Variants in CRADD observed in about 807,000 individuals in gnomAD.
The protein encoded by CRADD is CARD and death domain containing adaptor protein.
In CRADD, 9 loss-of-function variants were observed where a neutral mutation model predicts 15.5. That is an observed-to-expected ratio of 0.58 (90% CI 0.35 to 1.01). The LOEUF (loss-of-function observed/expected upper bound fraction) is 1.01, where lower values mean the gene tolerates loss of function less well. Among genes scored for constraint, CRADD ranks in the 50% least tolerant of loss-of-function variants. The probability of loss-of-function intolerance (pLI) is 0.02; values close to 1 mark genes in which losing one functional copy is unlikely to be tolerated. For missense variants in CRADD, 227 were observed against 250.3 expected (o/e 0.91, Z 0.63); for synonymous variants, 118 against 107.6 (o/e 1.10, Z -0.60).
intron 2 of CRADD, among the ~76,000 whole-genome samples, chr12:93,683,916 A>G (rs1397755843): frequency 1.3e-5 from 2 of 152,202 alleles, no homozygotes; most frequent in African/African-American, 4.8e-5. Flanking sequence ...CTTGCAGTCT[A>G]TCCATGTGCT....
In CRADD at chr12:93,754,040, G is replaced by C. The variant is rs146159337; in HGVS notation, c.298+74968G>C. On this transcript the variant is annotated intron_variant, in intron 2 of 2. Transcript: ENST00000332896. ...CAGCATACCTCTGCCTGGACATCCAGGCATTGCCATACATTCTCTGAAATC... is the reference window on the plus strand; with the variant it reads ...CAGCATACCTCTGCCTGGACATCCACGCATTGCCATACATTCTCTGAAATC... Among the ~76,000 whole-genome samples the C allele has an allele frequency of 4.1e-3, 627 of 152,364 alleles. 1 individual carries two copies. Among genetic ancestry groups the C allele is most frequent in the Middle Eastern group, 0.01 (3 of 294 alleles).
intron 2 of CRADD, among the ~76,000 whole-genome samples, chr12:93,806,460 AAAAAAAAAAAAAC>A (rs1565920923): frequency 1.0e-4 from 15 of 148,476 alleles, no homozygotes; most frequent in Non-Finnish European, 1.9e-4. Flanking sequence ...TCAAAAAAAA[AAAAAAAAAAAAAC>A]AAAAAAAAGA....
intron 2 of CRADD, among the ~76,000 whole-genome samples, chr12:93,729,299 T>G (rs1956422862): frequency 6.6e-6 from 1 of 152,230 alleles, no homozygotes; most frequent in African/African-American, 2.4e-5. Context: ...TACATACTAG[T>G]CATTTAGAGG....
chr12:93,707,186 T>A (rs1057094236), intron 2 of CRADD, among the ~76,000 whole-genome samples: 1 of 152,198 alleles, frequency 6.6e-6, no homozygotes, highest in African/African-American at 2.4e-5. Context: ...ATTTTATAAA[T>A]GATTGGGAGG....
In CRADD at chr12:93,879,716, T is replaced by G. The variant is rs73365282; in HGVS notation, c.299-14334T>G. Among the ~76,000 whole-genome samples, 531 of 152,308 alleles carry G rather than the reference T, an allele frequency of 3.5e-3. 3 individuals carry two copies. Among genetic ancestry groups the G allele is most frequent in the African/African-American group, 0.012 (507 of 41,570 alleles). On this transcript the variant is annotated intron_variant, in intron 2 of 2. Transcript: ENST00000548483. The stretch of plus-strand genomic sequence containing the variant: ...AATAATAACTGGAGCAATGCTCTAC[T>G]TTTCTCTCTGGCCCTAGTTCTTATT...
intron 2 of CRADD, among the ~76,000 whole-genome samples, chr12:93,883,653 A>G (rs1363234817): frequency 6.6e-6 from 1 of 152,064 alleles, no homozygotes; most frequent in African/African-American, 2.4e-5. Context: ...TCCCATCTCT[A>G]AAACAAAAAC....
At chr12:93,718,407 G>A (rs1047870651) in intron 2 of CRADD, among the ~76,000 whole-genome samples, 5 of 152,002 alleles carry the variant, frequency 3.3e-5, no homozygotes, top group Non-Finnish European at 5.9e-5. Context: ...TTTGATCTTT[G>A]GGGGGGTGCT....
intron 2 of CRADD, among the ~76,000 whole-genome samples, chr12:93,740,615 A>G (rs956937202): frequency 6.6e-6 from 1 of 152,196 alleles, no homozygotes; most frequent in Admixed American, 6.5e-5. Flanking sequence ...TGAAAGCCAT[A>G]TTCTTAACAT....
chr12:93,762,581 C>T (rs1192852638), intron 2 of CRADD, among the ~76,000 whole-genome samples: 2 of 152,060 alleles, frequency 1.3e-5, no homozygotes, highest in African/African-American at 4.8e-5. Context: ...GATATAGAGA[C>T]CTTTATTTAC....
chr12:93,847,498 GAA>G (rs11378030), intron 2 of CRADD, among the ~76,000 whole-genome samples: 9 of 62,946 alleles, frequency 1.4e-4, no homozygotes, highest in South Asian at 8.6e-4. Context: ...AGCATTGCTT[GAA>G]AAAAAAAAAA....
rs572858833 is a variant in CRADD, at chr12:93,874,503, G to A, written c.299-19547G>A. On this transcript the variant is annotated intron_variant, in intron 2 of 2. Coordinates refer to the CRADD transcript ENST00000548483. ...GGTTTGGTTTGCTCTTGCTTTTCTA[G>A]TTCTTTAAGATGCGTTGTTAGATTG... Among the ~76,000 whole-genome samples, 10 of 151,640 alleles carry A rather than the reference G, an allele frequency of 6.6e-5. 1 individual carries two copies. The highest frequency in any genetic ancestry group is 9.7e-5 in the African/African-American group (4 of 41,370).
chr12:93,717,222 T>C (rs1956177592), intron 2 of CRADD, among the ~76,000 whole-genome samples: 1 of 152,234 alleles, frequency 6.6e-6, no homozygotes, highest in Non-Finnish European at 1.5e-5. Context: ...TAAATCAAGT[T>C]GTTCATTTTC....
At position 93,682,718 on chromosome 12, in the gene CRADD, C is replaced by A. The variant is rs147647660; in HGVS notation, c.298+3646C>A. Among the ~76,000 whole-genome samples, 627 of 152,152 alleles carry A rather than the reference C, an allele frequency of 4.1e-3. 3 individuals are homozygous for A. Among genetic ancestry groups the A allele is most frequent in the Middle Eastern group, 0.017 (5 of 294 alleles). On this transcript the variant is annotated intron_variant, in intron 2 of 2. Coordinates refer to ENST00000332896, the MANE Select transcript of CRADD (RefSeq NM_003805.5). ...TTGTTCTTCTCTACTCTTCTGAACG[C>A]CACCCCCATCAAATCTCAAAACATA...
At chr12:93,770,965 T>C (rs1354506869) in intron 2 of CRADD, among the ~76,000 whole-genome samples, 1 of 152,228 alleles carries the variant, frequency 6.6e-6, no homozygotes, top group African/African-American at 2.4e-5. Context: ...TCTTTGTACA[T>C]AGAGTATCTT....
intron 2 of CRADD, among the ~76,000 whole-genome samples, chr12:93,825,377 G>C (rs1957812472): frequency 6.6e-6 from 1 of 152,224 alleles, no homozygotes; most frequent in Non-Finnish European, 1.5e-5. Flanking sequence ...AAGTTATTCA[G>C]CTTCTCCAAA....
In CRADD at chr12:93,885,283, TTC is replaced by T. The variant is rs1958528341; in HGVS notation, c.299-8765_299-8764del. Among the ~76,000 whole-genome samples the T allele has an allele frequency of 3.3e-5, 5 of 152,348 alleles. 1 individual carries two copies. In the South Asian group the frequency reaches 1.0e-3, roughly 32 times the overall value. On this transcript the variant is annotated intron_variant, in intron 2 of 2. Transcript: ENST00000548483. ...TCCAGATTTATCTTTTAGGCATTTC[TTC>T]TATGTCACAGGTATTTGGGCTATGC...
At chr12:93,853,173 A>G (rs1958242754), downstream of CRADD, among the ~76,000 whole-genome samples, 1 of 152,106 alleles carries the variant, frequency 6.6e-6, no homozygotes, top group Admixed American at 6.5e-5. Flanking sequence ...ATGTGGGACT[A>G]TTTAGAGAGA....
At chr12:93,710,702 C>T (rs1027352737) in intron 2 of CRADD, among the ~76,000 whole-genome samples, 1 of 152,052 alleles carries the variant, frequency 6.6e-6, no homozygotes, top group African/African-American at 2.4e-5. Context: ...TCATCACATC[C>T]TATTGGTCAA....
At chr12:93,890,989 T>C (rs1352514546) in intron 2 of CRADD, among the ~76,000 whole-genome samples, 2 of 151,686 alleles carry the variant, frequency 1.3e-5, no homozygotes, top group Non-Finnish European at 2.9e-5. Context: ...CCTCAAGTGA[T>C]CCATCTGCCT....
Sources: gnomAD v4.1 joint callset for allele counts (sites outside exome capture counted in the v4.1 genomes callset) on GRCh38, gnomAD v4.1.1 for gene constraint, MANE v1.5 for transcripts, NCBI Gene and HGNC (gene_info 2026-07-23, HGNC 2026-07-21) for gene names.